Variants in RALYL observed in about 807,000 individuals in gnomAD.
RALYL encodes the protein RNA-binding Raly-like protein.
Under a neutral mutation model 35.1 loss-of-function variants are expected in RALYL, and 29 were observed. The ratio of observed to expected loss-of-function variants is 0.83; its 90% CI spans 0.61 to 1.13. RALYL has a LOEUF of 1.13. Ranked by LOEUF, RALYL falls within the 50% of genes most tolerant of loss-of-function variation. RALYL has a pLI of 0.00. For synonymous variants in RALYL, 120 were observed against 127.6 expected (o/e 0.94, Z 0.40); for missense variants, 359 against 360.4 (o/e 1.00, Z 0.03).
rs190971381 is a variant in RALYL at position 84,860,711 on chromosome 8, C to G, written c.414-1585C>G. ...AGCTCTAATGGACTTTGCTTAGTCA[C>G]AGAAGATGGCACCTCTCTTGAACTC... On this transcript the variant is annotated intron_variant, in intron 5 of 8. Coordinates refer to ENST00000521268, the MANE Select transcript of RALYL (RefSeq NM_173848.7). Among the ~76,000 whole-genome samples, 22 of 152,326 alleles carry G rather than the reference C, an allele frequency of 1.4e-4. No individual in the cohort carries two copies. The East Asian group carries it at 3.5e-3, about 24-fold the overall frequency.
At chr8:84,568,844 G>A (rs1181525142) in intron 2 of RALYL, among the ~76,000 whole-genome samples, 9 of 151,368 alleles carry the variant, frequency 5.9e-5, no homozygotes, top group Admixed American at 4.6e-4. Context: ...CTGCATAAAT[G>A]TCTTCTTTTG....
chr8:84,481,626 C>T (rs1362120519), intron 1 of RALYL, among the ~76,000 whole-genome samples: 1 of 152,132 alleles, frequency 6.6e-6, no homozygotes, highest in African/African-American at 2.4e-5. Flanking sequence ...TATATTCATA[C>T]AACAGCATAC....
At chr8:84,665,397 C>T (rs1171439012) in intron 2 of RALYL, among the ~76,000 whole-genome samples, 1 of 151,880 alleles carries the variant, frequency 6.6e-6, no homozygotes, top group South Asian at 2.1e-4. Context: ...AGGAATTGTA[C>T]CAGCTCTTCT....
chr8:84,191,967 C>A (rs1256582779), intron 1 of RALYL, among the ~76,000 whole-genome samples: 3 of 152,104 alleles, frequency 2.0e-5, no homozygotes, highest in African/African-American at 7.2e-5. Flanking sequence ...ATAAAATAAT[C>A]AATTAAAATT....
At chr8:84,574,333 T>G (rs984785839) in intron 2 of RALYL, among the ~76,000 whole-genome samples, 1 of 152,076 alleles carries the variant, frequency 6.6e-6, no homozygotes, top group Middle Eastern at 3.2e-3. Context: ...CTCCCACAGT[T>G]GTTCTTTGGC....
chr8:84,515,872 G>A (rs1049362931), intron 1 of RALYL, among the ~76,000 whole-genome samples: 5 of 151,956 alleles, frequency 3.3e-5, no homozygotes, highest in African/African-American at 4.8e-5. Flanking sequence ...GCTCCTGTTC[G>A]GAATTTTGAC....
At chr8:84,470,195 T>A (rs1241717715) in intron 1 of RALYL, among the ~76,000 whole-genome samples, 1 of 152,182 alleles carries the variant, frequency 6.6e-6, no homozygotes, top group African/African-American at 2.4e-5. Flanking sequence ...AAGTTGTTTT[T>A]AAATTACTTG....
intron 1 of RALYL, among the ~76,000 whole-genome samples, chr8:84,309,144 A>G (rs1842315737): frequency 6.6e-6 from 1 of 151,478 alleles, no homozygotes; most frequent in Admixed American, 6.6e-5. Context: ...TTATAAGTAA[A>G]AAACTTTAAT....
At chr8:84,667,098 G>A (rs1244220059) in intron 2 of RALYL, among the ~76,000 whole-genome samples, 1 of 151,936 alleles carries the variant, frequency 6.6e-6, no homozygotes, top group Non-Finnish European at 1.5e-5. Flanking sequence ...TTTCTGTTTT[G>A]CCATTTAATT....
Position 84,356,406 on chromosome 8 carries a change from A to C in RALYL, c.-24+171982A>C, listed in dbSNP as rs1191104671. Among the ~76,000 whole-genome samples the C allele has an allele frequency of 2.6e-4, 39 of 150,558 alleles. 3 individuals are homozygous for C. The highest frequency in any genetic ancestry group is 3.0e-5 in the Non-Finnish European group (2 of 67,738). On this transcript the variant is annotated intron_variant, in intron 1 of 8. Coordinates refer to ENST00000521268, the MANE Select transcript of RALYL (RefSeq NM_173848.7). ...AGATCAAGAGGGTAGTTCCAAGACG[A>C]TACACTGGTTCAGGCCCTTTTATTC...
At chr8:84,417,418 G>A (rs2044841731) in intron 1 of RALYL, among the ~76,000 whole-genome samples, 1 of 152,110 alleles carries the variant, frequency 6.6e-6, no homozygotes, top group South Asian at 2.1e-4. Context: ...CTGGGGAAAA[G>A]AGCATGGCTT....
At chr8:84,796,635 A>G (rs923152236) in intron 3 of RALYL, among the ~76,000 whole-genome samples, 2 of 152,206 alleles carry the variant, frequency 1.3e-5, no homozygotes, top group African/African-American at 4.8e-5. Context: ...GCTTTTTTAA[A>G]TCAGAATGCC....
chr8:84,802,389 C>A (rs1300371625), intron 3 of RALYL, among the ~76,000 whole-genome samples: 1 of 152,152 alleles, frequency 6.6e-6, no homozygotes, highest in Non-Finnish European at 1.5e-5. Flanking sequence ...AACTTTCAAT[C>A]CAACATCATT....
At chr8:84,897,189 C>T (rs753207181) in intron 8 of RALYL, among the ~76,000 whole-genome samples, 3 of 152,154 alleles carry the variant, frequency 2.0e-5, no homozygotes, top group Non-Finnish European at 4.4e-5. Flanking sequence ...CTGCACTTAG[C>T]AAAGTCACTG....
At chr8:84,318,423 A>C (rs1408019239) in intron 1 of RALYL, among the ~76,000 whole-genome samples, 1 of 152,158 alleles carries the variant, frequency 6.6e-6, no homozygotes, top group Non-Finnish European at 1.5e-5. Flanking sequence ...GTAATCTTTC[A>C]CTGACTCTCT....
chr8:84,542,292 T>C (rs926656601), intron 2 of RALYL, among the ~76,000 whole-genome samples: 1 of 152,136 alleles, frequency 6.6e-6, no homozygotes, highest in African/African-American at 2.4e-5. Context: ...TCAGATTACA[T>C]CATTTAATCT....
chr8:84,537,174 A>C (rs1049464321), intron 2 of RALYL, among the ~76,000 whole-genome samples: 245 of 148,318 alleles, frequency 1.7e-3, no homozygotes, highest in African/African-American at 5.9e-3. Context: ...AAAAAAAAAA[A>C]AACTCTATTC....
At chr8:84,894,906 C>A (rs1214973111) in intron 8 of RALYL, among the ~76,000 whole-genome samples, 2 of 152,188 alleles carry the variant, frequency 1.3e-5, no homozygotes, top group African/African-American at 4.8e-5. Flanking sequence ...TGCAGTCTGA[C>A]AGAAGCATAT....
chr8:84,550,639 G>A (rs1052066251), intron 2 of RALYL, among the ~76,000 whole-genome samples: 4 of 151,380 alleles, frequency 2.6e-5, no homozygotes, highest in Non-Finnish European at 5.9e-5. Context: ...AAGAGCAAAA[G>A]TAGGCTTATA....
Sources: allele counts gnomAD v4.1 joint callset (sites outside exome capture counted in the v4.1 genomes callset), GRCh38; gene constraint gnomAD v4.1.1; transcripts MANE v1.5; gene names NCBI Gene and HGNC (gene_info 2026-07-23, HGNC 2026-07-21).